Variants in SDK1 observed in about 807,000 individuals in gnomAD.
SDK1 encodes the protein sidekick cell adhesion molecule 1, also known as protein sidekick-1.
Under a neutral mutation model 245.5 loss-of-function variants are expected in SDK1, and 157 were observed. That is an observed-to-expected ratio of 0.64 (90% CI 0.56 to 0.73). The LOEUF (loss-of-function observed/expected upper bound fraction) is 0.73. SDK1 is among the 30% of genes least tolerant of loss of function. The probability of loss-of-function intolerance (pLI) is 0.00; values close to 1 mark genes in which losing one functional copy is unlikely to be tolerated. For missense variants in SDK1, 3,583 were observed against 3,002.3 expected, an observed-to-expected ratio of 1.19 and a Z score of -4.52; for synonymous variants, 1,647 against 1,278.5, an observed-to-expected ratio of 1.29 and a Z score of -6.15.
chr7:3,455,684 A>G (rs927258615), intron 1 of SDK1, among the ~76,000 whole-genome samples: 10 of 152,268 alleles, frequency 6.6e-5, no homozygotes, highest in African/African-American at 2.2e-4. Context: ...TTATGGAGCT[A>G]TATGGTAGGC....
chr7:3,959,421 G>T (rs754439942), intron 8 of SDK1, among the ~76,000 whole-genome samples: 1 of 152,190 alleles, frequency 6.6e-6, no homozygotes, highest in African/African-American at 2.4e-5. Flanking sequence ...TAGAAAGGGA[G>T]ATGGGTGTAC....
intron 17 of SDK1, among the ~76,000 whole-genome samples, chr7:4,022,262 G>A (rs545166262): frequency 6.6e-5 from 10 of 152,376 alleles, no homozygotes; most frequent in African/African-American, 2.4e-4. Flanking sequence ...GCAGAAGGCA[G>A]GAAATGCCCA....
intron 28 of SDK1, among the ~76,000 whole-genome samples, chr7:4,139,382 T>G (rs1191016585): frequency 6.6e-6 from 1 of 152,120 alleles, no homozygotes; most frequent in South Asian, 2.1e-4. Context: ...TGTGTATATA[T>G]GTACGTGTGT....
chr7:3,567,628 G>C (rs928447505), intron 1 of SDK1, among the ~76,000 whole-genome samples: 5 of 152,130 alleles, frequency 3.3e-5, no homozygotes, highest in African/African-American at 1.2e-4. Context: ...TGGGTTATCT[G>C]ATCTGTTTTA....
intron 1 of SDK1, among the ~76,000 whole-genome samples, chr7:3,534,522 T>C (rs1778813741): frequency 6.6e-6 from 1 of 152,224 alleles, no homozygotes; most frequent in Non-Finnish European, 1.5e-5. Context: ...GCATTCAAAT[T>C]TCTCCACATC....
intron 35 of SDK1, among the ~76,000 whole-genome samples, chr7:4,191,521 C>G (rs1783207721): frequency 6.6e-6 from 1 of 152,246 alleles, no homozygotes; most frequent in African/African-American, 2.4e-5. Flanking sequence ...CGCTGGCAGC[C>G]AGTGGAGGCC....
rs751257428 is a variant in SDK1, at chr7:4,049,403, T to G, written c.2658T>G (p.Ile886Met). The G allele has an allele frequency of 1.9e-6, 3 of 1,614,082 alleles. No homozygotes were observed. The highest frequency in any genetic ancestry group is 1.7e-6 in the Non-Finnish European group (2 of 1,180,018). Residue 886 changes from isoleucine (I) to methionine (M), a missense_variant, in exon 18 of 45, where the codon ATT becomes ATG. Coordinates refer to ENST00000404826, the MANE Select transcript of SDK1 (RefSeq NM_152744.4). Reference protein sequence around the residue: ...VQTEAVNSTTIQFLWNPPPQQ... With the variant: ...VQTEAVNSTTMQFLWNPPPQQ... ...CGGAAGCCGTGAACTCCACCACCAT[T>G]CAGTTCCTGTGGAACCCTCCGCCTC...
At chr7:4,178,613 C>T in intron 35 of SDK1, 27 bp downstream of exon 35, 1 of 1,543,190 alleles carries the variant, frequency 6.5e-7, no homozygotes, top group Non-Finnish European at 8.9e-7. Context: ...CCCAACCCCA[C>T]TGCCAGAGAG....
At chr7:4,027,083 G>T (rs1046495229) in intron 17 of SDK1, among the ~76,000 whole-genome samples, 1 of 152,188 alleles carries the variant, frequency 6.6e-6, no homozygotes, top group African/African-American at 2.4e-5. Context: ...GCATCGTGGG[G>T]TAGAAGCAGC....
chr7:4,103,433 G>A (rs964848628), intron 22 of SDK1, among the ~76,000 whole-genome samples: 1 of 152,338 alleles, frequency 6.6e-6, no homozygotes, highest in South Asian at 2.1e-4. Context: ...AGCCAGAGGA[G>A]CCCAGCCAGG....
At chr7:4,145,597 G>A (rs1779911302) in intron 28 of SDK1, 125 bp from the exon 29 acceptor site, 3 of 828,428 alleles carry the variant, frequency 3.6e-6, no homozygotes, top group East Asian at 5.4e-5. Context: ...TGCACAGGCA[G>A]TGACCTCCAG....
At chr7:3,501,073 G>T (rs1031574209) in intron 1 of SDK1, among the ~76,000 whole-genome samples, 1 of 152,050 alleles carries the variant, frequency 6.6e-6, no homozygotes, top group African/African-American at 2.4e-5. Context: ...TTAGATGACT[G>T]TTCATTGTAT....
Position 4,049,473 on chromosome 7 carries a change from C to G in SDK1, c.2718+10C>G, listed in dbSNP as rs375903344. 57 of 1,601,228 alleles carry G rather than the reference C, an allele frequency of 3.6e-5. No homozygotes were observed. The highest frequency in any genetic ancestry group is 4.6e-5 in the Non-Finnish European group (54 of 1,168,514). On this transcript the variant is annotated intron_variant, in intron 18 of 44. Transcript: ENST00000404826. ...CAACCAGGGATACAAGGTACGTGGC[C>G]TGGGTTCAGGGCCTGTGGGCAGCTG...
At chr7:3,749,956 G>C (rs1049901326) in intron 4 of SDK1, among the ~76,000 whole-genome samples, 1 of 152,176 alleles carries the variant, frequency 6.6e-6, no homozygotes, top group Non-Finnish European at 1.5e-5. Context: ...ATGAGCTCTT[G>C]TTAGAATCTG....
intron 12 of SDK1, among the ~76,000 whole-genome samples, chr7:3,972,907 C>A (rs76084826): frequency 6.6e-6 from 1 of 152,184 alleles, no homozygotes; most frequent in African/African-American, 2.4e-5. Flanking sequence ...AAGTGAAAGA[C>A]GACCTAGGAC....
chr7:3,404,906 A>C (rs1779007980), intron 1 of SDK1, among the ~76,000 whole-genome samples: 1 of 152,188 alleles, frequency 6.6e-6, no homozygotes. Context: ...TGAGGTCTTA[A>C]TGTTTGTATT....
chr7:3,778,122 C>G (rs1349071788), intron 4 of SDK1, among the ~76,000 whole-genome samples: 1 of 152,182 alleles, frequency 6.6e-6, no homozygotes, highest in East Asian at 1.9e-4. Flanking sequence ...ATTTCCCATG[C>G]CGTCGTGTCT....
At chr7:3,695,517 A>G (rs1784545208) in intron 4 of SDK1, among the ~76,000 whole-genome samples, 1 of 152,216 alleles carries the variant, frequency 6.6e-6, no homozygotes, top group Non-Finnish European at 1.5e-5. Flanking sequence ...TTCAGATTAT[A>G]TCATAGGTGT....
intron 13 of SDK1, among the ~76,000 whole-genome samples, chr7:3,982,422 G>C (rs10278108): frequency 0.029 from 4,402 of 152,256 alleles, 199 homozygotes; most frequent in African/African-American, 0.099. Context: ...TGACCATCAA[G>C]TCCCATTATT....
Sources: gnomAD v4.1 joint callset for allele counts (sites outside exome capture counted in the v4.1 genomes callset) on GRCh38, gnomAD v4.1.1 for gene constraint, MANE v1.5 for transcripts, NCBI Gene and HGNC (gene_info 2026-07-23, HGNC 2026-07-21) for gene names.